The following NCAM1 variants were observed in gnomAD, a reference collection of about 807,000 sequenced individuals.
The protein encoded by NCAM1 is antigen recognized by monoclonal antibody 5.1H11.
Under a neutral mutation model 109.8 loss-of-function variants are expected in NCAM1, and 14 were observed. That is an observed-to-expected ratio of 0.13 (90% confidence interval 0.08 to 0.20). The LOEUF (loss-of-function observed/expected upper bound fraction) is 0.20. NCAM1 is among the 10% of genes least tolerant of loss of function. The pLI is 1.00. For synonymous variants in NCAM1, 418 were observed against 442.9 expected (o/e 0.94, Z 0.70); for missense variants, 774 against 1,109.9 (o/e 0.70, Z 4.30).
intron 1 of NCAM1, among the ~76,000 whole-genome samples, chr11:112,998,039 G>C (rs938668971): frequency 6.6e-6 from 1 of 152,140 alleles, no homozygotes. Context: ...GGCAGAGCTG[G>C]GGTTAGATTT....
intron 1 of NCAM1, among the ~76,000 whole-genome samples, chr11:112,983,854 A>C (rs781955912): frequency 6.6e-6 from 1 of 152,154 alleles, no homozygotes; most frequent in African/African-American, 2.4e-5. Flanking sequence ...TAACATATTC[A>C]TCATCTCACA....
At chr11:113,023,158 G>A (rs115638153) in intron 1 of NCAM1, among the ~76,000 whole-genome samples, 220 of 152,304 alleles carry the variant, frequency 1.4e-3, no homozygotes, top group African/African-American at 4.7e-3. Context: ...TATCAGAGCG[G>A]CACGAACTTT....
At chr11:112,997,992 C>G (rs782756200) in intron 1 of NCAM1, among the ~76,000 whole-genome samples, 1 of 151,982 alleles carries the variant, frequency 6.6e-6, no homozygotes, top group Non-Finnish European at 1.5e-5. Context: ...CCTGCATGTC[C>G]GAGGGAAGGA....
At chr11:113,046,913 G>A (rs1375447673) in intron 1 of NCAM1, among the ~76,000 whole-genome samples, 1 of 151,948 alleles carries the variant, frequency 6.6e-6, no homozygotes, top group Non-Finnish European at 1.5e-5. Context: ...GAAGAAAGAT[G>A]ATAGATAGAT....
chr11:113,251,625 G>C (rs984691105), intron 15 of NCAM1, among the ~76,000 whole-genome samples: 5 of 152,088 alleles, frequency 3.3e-5, no homozygotes, highest in African/African-American at 1.2e-4. Flanking sequence ...AATACATTTT[G>C]GGGGGAACAT....
At position 113,244,451 on chromosome 11, in the gene NCAM1, G is replaced by A. The variant is rs184659610; in HGVS notation, c.1826-1917G>A. Among the ~76,000 whole-genome samples, 11 of 152,320 alleles carry A rather than the reference G, an allele frequency of 7.2e-5. No individual in the cohort carries two copies. The East Asian group carries it at 2.1e-3, about 29-fold the overall frequency. On this transcript the variant is annotated intron_variant, in intron 14 of 19. Transcript: ENST00000316851. The stretch of plus-strand genomic sequence containing the variant: ...CAAATTGTAGGTCCCAGTGGATACT[G>A]AGATAAAGGAAAGATGCTCACAATT...
At chr11:113,228,401 A>T (rs374127395) in intron 9 of NCAM1, among the ~76,000 whole-genome samples, 1 of 152,340 alleles carries the variant, frequency 6.6e-6, no homozygotes, top group South Asian at 2.1e-4. Context: ...TCTTCAAGGA[A>T]AACTACAAAC....
At chr11:113,263,356 T>C in intron 17 of NCAM1, 1 of 996,098 alleles carries the variant, frequency 1.0e-6, no homozygotes, top group Non-Finnish European at 1.2e-6. Context: ...TCATTCTAAC[T>C]CTGTGCTCCT....
At chr11:113,248,553 G>C (rs1423613273) in intron 15 of NCAM1, among the ~76,000 whole-genome samples, 3 of 152,098 alleles carry the variant, frequency 2.0e-5, no homozygotes, top group Non-Finnish European at 4.4e-5. Context: ...GAGTAAGCTG[G>C]GGGGTGAGGG....
rs1412137924 is a variant in NCAM1 at position 113,216,668 on chromosome 11, A to G, written c.1059+2157A>G. Reference sequence around the variant, plus strand: ...ATTGTATTTCTTTTACTTGCCTTCAAGTTCACTTTATTGGAACATGAGTGA... The same window carrying G: ...ATTGTATTTCTTTTACTTGCCTTCAGGTTCACTTTATTGGAACATGAGTGA... On this transcript the variant is annotated intron_variant, in intron 8 of 19. Transcript: ENST00000316851. Among the ~76,000 whole-genome samples the G allele has an allele frequency of 3.3e-5, 5 of 152,282 alleles. No homozygotes were observed. In the South Asian group the frequency reaches 6.2e-4, roughly 19 times the overall value.
chr11:113,271,103 C>T (rs1268967254), intron 18 of NCAM1, among the ~76,000 whole-genome samples: 2 of 152,058 alleles, frequency 1.3e-5, no homozygotes, highest in Non-Finnish European at 2.9e-5. Context: ...ATAGGGGTGA[C>T]TCACGCCTGT....
rs956293474 is a variant in NCAM1, at chr11:113,231,391, G to C, written c.1090-254G>C. On this transcript the variant is annotated intron_variant, in intron 9 of 19. Transcript: ENST00000316851. ...AGCCCCAAACCAATCTTGGTACTTA[G>C]ATCAGGCTGCCTGACATAACTGAGT... 9.9e-6 allele frequency: 12 copies of C among 1,217,086 alleles called. No homozygotes were observed. The African/African-American group carries it at 1.7e-4, about 17-fold the overall frequency. 75.4% of individuals were successfully genotyped at this position (1,217,086 alleles called of 1,614,324 possible). A position where few individuals can be genotyped will look rare whatever the true frequency, so the allele number is the denominator to read the frequency against.
At chr11:113,190,312 G>A (rs1337691027) in intron 1 of NCAM1, among the ~76,000 whole-genome samples, 1 of 152,194 alleles carries the variant, frequency 6.6e-6, no homozygotes. Flanking sequence ...GACAGGAGGA[G>A]GCCATCCACA....
At chr11:113,243,079 T>C in intron 14 of NCAM1, 1 of 753,044 alleles carries the variant, frequency 1.3e-6, no homozygotes. Context: ...ACTCCGTGCA[T>C]GAGGAGGCTT....
At chr11:113,080,161 A>G (rs149237642) in intron 1 of NCAM1, among the ~76,000 whole-genome samples, 28 of 152,272 alleles carry the variant, frequency 1.8e-4, no homozygotes, top group African/African-American at 6.5e-4. Flanking sequence ...TCATCCACTT[A>G]TATAATAATG....
chr11:113,017,085 C>G (rs543695381), intron 1 of NCAM1, among the ~76,000 whole-genome samples: 2 of 152,158 alleles, frequency 1.3e-5, no homozygotes. Context: ...CGTGTTGCAA[C>G]AACCTATGAA....
intron 1 of NCAM1, among the ~76,000 whole-genome samples, chr11:112,999,839 T>C (rs1000301459): frequency 6.6e-6 from 1 of 152,348 alleles, no homozygotes; most frequent in Middle Eastern, 3.4e-3. Flanking sequence ...ATGTTGATTG[T>C]ATACTTCTTA....
At chr11:113,223,945 G>A (rs1944759020) in intron 9 of NCAM1, among the ~76,000 whole-genome samples, 1 of 152,146 alleles carries the variant, frequency 6.6e-6, no homozygotes, top group South Asian at 2.1e-4. Flanking sequence ...AGCCCTGGAG[G>A]TAGGGGCGGT....
intron 1 of NCAM1, among the ~76,000 whole-genome samples, chr11:113,042,845 T>A (rs2135436341): frequency 6.6e-6 from 1 of 152,280 alleles, no homozygotes; most frequent in South Asian, 2.1e-4. Flanking sequence ...GTTAGATTCA[T>A]CTTCATAAAG....
Sources: allele counts gnomAD v4.1 joint callset (sites outside exome capture counted in the v4.1 genomes callset), GRCh38; gene constraint gnomAD v4.1.1; transcripts MANE v1.5; gene names NCBI Gene and HGNC (gene_info 2026-07-23, HGNC 2026-07-21).